ZNF385C: variants seen among roughly 807,000 people sequenced by gnomAD.
ZNF385C encodes zinc finger protein 385C, also known as CTD-2132N18.2.
A neutral mutation model predicts 35.4 loss-of-function variants in ZNF385C; 28 were observed. The observed-to-expected ratio is 0.79, with a 90% CI of 0.59 to 1.08. The LOEUF is 1.08. Ranked by LOEUF, ZNF385C falls within the 50% of genes least tolerant of loss-of-function variation. The pLI is 0.00. For missense variants in ZNF385C, 605 were observed against 595.6 expected (o/e 1.02, Z -0.16); for synonymous variants, 248 against 248.2 (o/e 1.00, Z 0.01).
intron 1 of ZNF385C, among the ~76,000 whole-genome samples, chr17:42,094,843 C>T (rs540524281): frequency 4.7e-4 from 71 of 152,200 alleles, no homozygotes; most frequent in Non-Finnish European, 9.7e-4. Context: ...CGGCATCTGG[C>T]CCCCAGCCAC....
intron 2 of ZNF385C, chr17:42,039,620 C>T (rs911188923): frequency 1.8e-4 from 213 of 1,172,666 alleles, no homozygotes; most frequent in Non-Finnish European, 2.2e-4. Flanking sequence ...AGCAGATCAT[C>T]TTGGGTGCAG....
intron 1 of ZNF385C, among the ~76,000 whole-genome samples, chr17:42,071,574 A>G (rs2143897932): frequency 6.6e-6 from 1 of 152,230 alleles, no homozygotes; most frequent in African/African-American, 2.4e-5. Context: ...CAGGGTCCAT[A>G]GTGGCAACAC....
intron 1 of ZNF385C, among the ~76,000 whole-genome samples, chr17:42,068,174 G>A (rs1284049225): frequency 6.6e-6 from 1 of 152,142 alleles, no homozygotes; most frequent in Non-Finnish European, 1.5e-5. Context: ...GGTGGGCAGT[G>A]ACGGGGGCAC....
intron 1 of ZNF385C, among the ~76,000 whole-genome samples, chr17:42,080,199 A>C (rs2053733620): frequency 6.6e-6 from 1 of 152,216 alleles, no homozygotes; most frequent in South Asian, 2.1e-4. Flanking sequence ...CTGAGAGGAC[A>C]GCCTTATACT....
chr17:42,084,730 C>G (rs1555659997), intron 1 of ZNF385C, among the ~76,000 whole-genome samples: 1 of 152,030 alleles, frequency 6.6e-6, no homozygotes. Context: ...CCTGCCTCAA[C>G]CTCCCAAGTA....
chr17:42,046,482 C>T (rs2053163808), intron 2 of ZNF385C, among the ~76,000 whole-genome samples: 2 of 152,020 alleles, frequency 1.3e-5, no homozygotes, highest in African/African-American at 4.8e-5. Flanking sequence ...TGCCTGTAGT[C>T]CCAGCTACTC....
At chr17:42,047,517 T>G (rs9911974) in intron 2 of ZNF385C, among the ~76,000 whole-genome samples, 109,608 of 151,930 alleles carry the variant, frequency 0.72, 42,145 homozygotes, top group South Asian at 0.85. Context: ...CCACTTGACA[T>G]GTATACCAGT....
chr17:42,050,762 G>GCCCGGC lies in ZNF385C; in HGVS notation c.250+12039_250+12044dup, dbSNP rs1197591969. 6.6e-6 allele frequency: 1 copy of GCCCGGC among 150,974 alleles called. No homozygotes were observed. Among genetic ancestry groups the GCCCGGC allele is most frequent in the African/African-American group, 2.4e-5 (1 of 41,284 alleles). 9.4% of individuals were successfully genotyped at this position (150,974 alleles called of 1,614,324 possible). Reference sequence around the variant, plus strand: ...CGGCGCCTCCCGCCCAGCGCGCTCAGCCCGGCCCCGGCCCCACCCCCCAGC... The same window carrying GCCCGGC: ...CGGCGCCTCCCGCCCAGCGCGCTCAGCCCGGCCCCGGCCCCGGCCCCACCCCCCAGC... On this transcript the variant is annotated intron_variant, in intron 2 of 8. Transcript: ENST00000692273. The surrounding 1 kb of genome is among the most constrained non-coding windows in gnomAD (Gnocchi z 5.6).
rs1598184683 is a variant in ZNF385C at position 42,040,433 on chromosome 17, C to T, written c.251-2548G>A. On this transcript the variant is annotated intron_variant, in intron 2 of 8. Transcript: ENST00000692273. ...TGAGCTTGGAGGGAGGCCGCAGCCG[C>T]CATCACCAGAGGCTGCAGCAAGGCC... The T allele has an allele frequency of 8.1e-6, 10 of 1,232,140 alleles. No individual in the cohort carries two copies. The East Asian group carries it at 3.2e-4, about 39-fold the overall frequency. 76.3% of individuals were successfully genotyped at this position (1,232,140 alleles called of 1,614,324 possible). A position where few individuals can be genotyped will look rare whatever the true frequency, so the allele number is the denominator to read the frequency against.
chr17:42,060,007 C>T (rs1259607457), intron 2 of ZNF385C, among the ~76,000 whole-genome samples: 3 of 152,200 alleles, frequency 2.0e-5, no homozygotes, highest in Non-Finnish European at 2.9e-5. Context: ...GCTTTTACCA[C>T]AGGGACCGTT....
At chr17:42,094,713 G>A (rs1442154992) in intron 1 of ZNF385C, among the ~76,000 whole-genome samples, 1 of 152,230 alleles carries the variant, frequency 6.6e-6, no homozygotes, top group African/African-American at 2.4e-5. Context: ...TCAGGACCCA[G>A]AGACACTCTC....
chr17:42,094,655 G>A (rs2053899115), intron 1 of ZNF385C, among the ~76,000 whole-genome samples: 1 of 149,342 alleles, frequency 6.7e-6, no homozygotes, highest in African/African-American at 2.5e-5. Flanking sequence ...CACACTCACA[G>A]GCCGAAGCAG....
chr17:42,064,569 A>AT (rs1486069525), intron 1 of ZNF385C, among the ~76,000 whole-genome samples: 14 of 151,918 alleles, frequency 9.2e-5, no homozygotes, highest in African/African-American at 2.9e-4. Flanking sequence ...GGGTGTCTTT[A>AT]TTTTTTTCAA....
rs1243772678 is a variant in ZNF385C, at chr17:42,026,948, TG to T, written c.1460del (p.Pro487GlnfsTer38). 5.6e-6 allele frequency: 9 copies of T among 1,610,880 alleles called. No individual in the cohort carries two copies. The highest frequency in any genetic ancestry group is 7.6e-6 in the Non-Finnish European group (9 of 1,178,514). ...PILGPALFRTPAGAVRPATGP... is the reference protein window; with the variant it reads ...PILGPALFRTXAGAVRPATGP... ...CTGTGGCAGGGCGGACAGCTCCTGCTGGGGTGCGAAACAGAGCTGGGCCCAG... is the reference window on the plus strand; with the variant it reads ...CTGTGGCAGGGCGGACAGCTCCTGCTGGGTGCGAAACAGAGCTGGGCCCAG... On this transcript the variant is annotated frameshift_variant, in exon 9 of 9. Transcript: ENST00000692273. LOFTEE classifies it high-confidence loss of function.
At position 42,067,412 on chromosome 17, in the gene ZNF385C, T is replaced by A. The variant is rs560184267; in HGVS notation, c.-2-4354A>T. Among the ~76,000 whole-genome samples the A allele has an allele frequency of 2.4e-3, 360 of 152,272 alleles. 1 individual carries two copies. Among genetic ancestry groups the A allele is most frequent in the African/African-American group, 8.3e-3 (345 of 41,544 alleles). The stretch of plus-strand genomic sequence containing the variant: ...CTTGGTGATTTGATGGTCCAAACCC[T>A]GCTGCTAGGGTTTGGATGTTGTGGC... On this transcript the variant is annotated intron_variant, in intron 1 of 8. Coordinates refer to ENST00000692273, the MANE Select transcript of ZNF385C (RefSeq NM_001392013.1).
Position 42,026,764 on chromosome 17 carries a change from A to T in ZNF385C, c.*133T>A. On this transcript the variant is annotated 3_prime_UTR_variant, in exon 9 of 9. Coordinates refer to ENST00000692273, the MANE Select transcript of ZNF385C (RefSeq NM_001392013.1). ...AGGCAGCTGCCCTTAAAACTAGCCC[A>T]GCTCTTTCTGGATCGGGCAGGACCC... 1 of 901,690 alleles carries T rather than the reference A, an allele frequency of 1.1e-6. No homozygotes were observed. The highest frequency in any genetic ancestry group is 1.8e-6 in the Non-Finnish European group (1 of 560,012). 55.9% of individuals were successfully genotyped at this position (901,690 alleles called of 1,614,324 possible).
Position 42,039,545 on chromosome 17 carries a change from G to A in ZNF385C, c.251-1660C>T. On this transcript the variant is annotated intron_variant, in intron 2 of 8. Transcript: ENST00000692273. The stretch of plus-strand genomic sequence containing the variant: ...CCTTCCTCCACAGCCCACAGGGTGG[G>A]GGGGGTTGGTGGGAAGCTCCAGAAG... 5 of 590,240 alleles carry A rather than the reference G, an allele frequency of 8.5e-6. 1 individual carries two copies. The highest frequency in any genetic ancestry group is 5.0e-6 in the Non-Finnish European group (2 of 402,646). 36.6% of individuals were successfully genotyped at this position (590,240 alleles called of 1,614,324 possible). A position where few individuals can be genotyped will look rare whatever the true frequency, so the allele number is the denominator to read the frequency against.
At chr17:42,036,970 T>A (rs1043498252) in intron 3 of ZNF385C, among the ~76,000 whole-genome samples, 45 of 152,230 alleles carry the variant, frequency 3.0e-4, no homozygotes, top group African/African-American at 1.0e-3. Flanking sequence ...AGATGGTTGC[T>A]GATCCCTCAT....
intron 1 of ZNF385C, among the ~76,000 whole-genome samples, chr17:42,091,411 A>G (rs1013620493): frequency 1.3e-5 from 2 of 152,140 alleles, no homozygotes; most frequent in African/African-American, 4.8e-5. Flanking sequence ...GCACCACTGT[A>G]CTCCAGCCTG....
Sources: allele counts gnomAD v4.1 joint callset (sites outside exome capture counted in the v4.1 genomes callset), GRCh38; gene constraint gnomAD v4.1.1; non-coding constraint Gnocchi (gnomAD v3.1); transcripts MANE v1.5; gene names NCBI Gene and HGNC (gene_info 2026-07-23, HGNC 2026-07-21).